DLG5: variants seen among roughly 807,000 people sequenced by gnomAD.
DLG5 encodes the protein disks large homolog 5.
In DLG5, 48 loss-of-function variants were observed where a neutral mutation model predicts 189.8. That is an observed-to-expected ratio of 0.25 (90% CI 0.20 to 0.32). The LOEUF (loss-of-function observed/expected upper bound fraction) is 0.32, where lower values mean the gene tolerates loss of function less well. Among genes scored for constraint, DLG5 ranks in the 10% least tolerant of loss-of-function variants. The probability of loss-of-function intolerance (pLI) is 1.00; values close to 1 mark genes in which losing one functional copy is unlikely to be tolerated. For synonymous variants in DLG5, 1,016 were observed against 1,054.1 expected (o/e 0.96, Z 0.70); for missense variants, 2,160 against 2,544.7 (o/e 0.85, Z 3.25).
At chr10:77,841,693 G>C (rs1843423635) in intron 7 of DLG5, among the ~76,000 whole-genome samples, 188 bp downstream of exon 7, 1 of 152,200 alleles carries the variant, frequency 6.6e-6, no homozygotes, top group African/African-American at 2.4e-5. Flanking sequence ...CTGTAATCCA[G>C]ACTAGAGCTG....
chr10:77,866,637 G>A (rs941151415), intron 2 of DLG5, among the ~76,000 whole-genome samples: 8 of 151,718 alleles, frequency 5.3e-5, no homozygotes, highest in African/African-American at 1.7e-4. Context: ...GTTTAGTGGC[G>A]CCCATACTGG....
chr10:77,861,564 G>A (rs537295506), intron 2 of DLG5, among the ~76,000 whole-genome samples: 4 of 151,968 alleles, frequency 2.6e-5, no homozygotes, highest in East Asian at 1.9e-4. Flanking sequence ...GGACCTGGGC[G>A]TGGCTGGCCA....
At chr10:77,936,515 C>T in the DLG5 span, among the ~76,000 whole-genome samples, 1 of 150,320 alleles carries the variant, frequency 6.7e-6, no homozygotes, top group Non-Finnish European at 1.5e-5. Context: ...GCCCAGATAC[C>T]AAGGACAAGG....
intron 27 of DLG5, among the ~76,000 whole-genome samples, chr10:77,797,709 G>A (rs1481951365): frequency 1.3e-5 from 2 of 152,194 alleles, no homozygotes; most frequent in Admixed American, 6.5e-5. Flanking sequence ...GGATCTGTAC[G>A]CATATGCAGA....
chr10:77,791,227 T>TCCTACCC lies in DLG5; in HGVS notation c.*1206_*1212dup, dbSNP rs1840629180. 1 of 152,276 alleles carries TCCTACCC rather than the reference T, an allele frequency of 6.6e-6. No homozygotes were observed. Among genetic ancestry groups the TCCTACCC allele is most frequent in the Non-Finnish European group, 1.5e-5 (1 of 67,996 alleles). The allele number at this position is 152,276 out of a possible 1,614,324, so 9.4% of individuals were successfully genotyped here. A position where few individuals can be genotyped will look rare whatever the true frequency, so the allele number is the denominator to read the frequency against. The stretch of plus-strand genomic sequence containing the variant: ...GTTAGGAACAGTATTAAAATATAGG[T>TCCTACCC]CCTACCCCAACGACACTTACACAGA... On this transcript the variant is annotated 3_prime_UTR_variant, in exon 32 of 32. Coordinates refer to ENST00000372391, the MANE Select transcript of DLG5 (RefSeq NM_004747.4).
intron 2 of DLG5, among the ~76,000 whole-genome samples, chr10:77,864,241 A>G (rs1056300600): frequency 6.6e-6 from 1 of 152,168 alleles, no homozygotes; most frequent in African/African-American, 2.4e-5. Context: ...TTGGTCTTAC[A>G]GCTGGGCAGG....
chr10:77,889,094 C>T (rs1345597300), intron 1 of DLG5, among the ~76,000 whole-genome samples: 2,476 of 137,230 alleles, frequency 0.018, 49 homozygotes, highest in African/African-American at 0.068. Context: ...AGGTAACCTC[C>T]CAGGCCTCAC....
chr10:77,827,158 C>T (rs546448598), intron 13 of DLG5, among the ~76,000 whole-genome samples: 3 of 152,240 alleles, frequency 2.0e-5, no homozygotes, highest in South Asian at 2.1e-4. Flanking sequence ...TTTGTTGTCA[C>T]GATTTGCCTT....
intron 16 of DLG5, 150 bp downstream of exon 16, chr10:77,819,745 T>A: frequency 7.5e-7 from 1 of 1,328,570 alleles, no homozygotes; most frequent in Admixed American, 2.4e-5. Context: ...AGACAAACCA[T>A]CCCAGACAGG....
chr10:77,826,088 A>T (rs1245978750), intron 13 of DLG5, among the ~76,000 whole-genome samples: 1 of 152,156 alleles, frequency 6.6e-6, no homozygotes, highest in Non-Finnish European at 1.5e-5. Context: ...TTTGGAGCAA[A>T]GGGGGAAGAT....
rs781491443 is a variant in DLG5, at chr10:77,809,684, A to C, written c.4510T>G (p.Phe1504Val). The change falls in exon 24 of 32, where the codon TTC becomes GTC. Residue 1504 changes from phenylalanine (F) to valine (V), a missense_variant. Physicochemically the swap from Phe to Val is conservative, Grantham distance 50. Transcript: ENST00000372391. ...NKKTLEPRVVFIKKSQLELGV... is the reference protein window; with the variant it reads ...NKKTLEPRVVVIKKSQLELGV... ...AGCTCCAGCTGGGACTTTTTGATGAAGACAACGCGTGGCTCCAGGGTCTTC... is the reference window on the plus strand; with the variant it reads ...AGCTCCAGCTGGGACTTTTTGATGACGACAACGCGTGGCTCCAGGGTCTTC... 1 of 1,614,026 alleles carries C rather than the reference A, an allele frequency of 6.2e-7. No individual in the cohort carries two copies. The highest frequency in any genetic ancestry group is 1.3e-5 in the African/African-American group (1 of 74,936).
intron 5 of DLG5, among the ~76,000 whole-genome samples, chr10:77,850,721 C>T (rs1843928236): frequency 6.6e-6 from 1 of 152,182 alleles, no homozygotes; most frequent in African/African-American, 2.4e-5. Flanking sequence ...AGAATAATAT[C>T]ATTAACGACC....
At chr10:77,872,395 C>T (rs1010564063) in intron 1 of DLG5, among the ~76,000 whole-genome samples, 5 of 152,326 alleles carry the variant, frequency 3.3e-5, no homozygotes, top group South Asian at 2.1e-4. Flanking sequence ...ACGTTCTGTT[C>T]CTCTTCCCTG....
Position 77,812,253 on chromosome 10 carries a change from G to A in DLG5, c.4150C>T (p.His1384Tyr), listed in dbSNP as rs1268403417. 1.2e-6 allele frequency: 2 copies of A among 1,614,114 alleles called. No homozygotes were observed. The highest frequency in any genetic ancestry group is 1.7e-6 in the Non-Finnish European group (2 of 1,179,976). ...TCCCCATACTCGAGGCCAGCCTGGTGAGCGATGCTCCCCACGGTCACCTTG... is the reference window on the plus strand; with the variant it reads ...TCCCCATACTCGAGGCCAGCCTGGTAAGCGATGCTCCCCACGGTCACCTTG... ...VSKVTVGSIA[H>Y]QAGLEYGDQL... Residue 1384 changes from histidine to tyrosine, a missense_variant, in exon 21 of 32, where the codon CAC becomes TAC. Physicochemically the swap from His to Tyr is moderately conservative, Grantham distance 83. Coordinates refer to ENST00000372391, the MANE Select transcript of DLG5 (RefSeq NM_004747.4).
At chr10:77,935,733 T>C in the DLG5 span, among the ~76,000 whole-genome samples, 1 of 152,182 alleles carries the variant, frequency 6.6e-6, no homozygotes, top group Non-Finnish European at 1.5e-5. Context: ...AGAGGAACCA[T>C]TTCCAGGTGC....
rs764856481 is a variant in DLG5 at position 77,853,381 on chromosome 10, G to A, written c.837C>T (p.Ile279=). 10 of 1,588,312 alleles carry A rather than the reference G, an allele frequency of 6.3e-6. No homozygotes were observed. The highest frequency in any genetic ancestry group is 3.5e-5 in the Admixed American group (2 of 57,542). The change falls in exon 5 of 32, where the codon ATC becomes ATT. Residue 279 remains isoleucine (I), a synonymous_variant. Transcript: ENST00000372391. Reference sequence around the variant, plus strand: ...GCTGCTGCTGGGCACGGAGGTCACCGATCTCCTTCTGGTCCTCCTCGTGGA... The same window carrying A: ...GCTGCTGCTGGGCACGGAGGTCACCAATCTCCTTCTGGTCCTCCTCGTGGA... ...KRLHEEDQKE[I]GDLRAQQQQV...
Position 77,830,264 on chromosome 10 carries a change from T to A in DLG5, c.1962A>T (p.Ile654=). The A allele has an allele frequency of 6.2e-7, 1 of 1,614,154 alleles. No homozygotes were observed. Among genetic ancestry groups the A allele is most frequent in the Non-Finnish European group, 8.5e-7 (1 of 1,180,036 alleles). Residue 654 remains isoleucine, a synonymous_variant, in exon 11 of 32, where the codon ATA becomes ATT. Coordinates refer to ENST00000372391, the MANE Select transcript of DLG5 (RefSeq NM_004747.4). ...NEPCFPGDCG[I]FVTKVDKGSI... ...TTCCTTTGTCCACTTTAGTGACAAA[T>A]ATGCCACAGTCCCCCGGGAAACAAG...
At chr10:77,925,385 C>T (rs936524840) in intron 1 of DLG5, among the ~76,000 whole-genome samples, 1 of 152,192 alleles carries the variant, frequency 6.6e-6, no homozygotes, top group Admixed American at 6.5e-5. Flanking sequence ...AAAAGGCTGG[C>T]TTCCACACTC....
chr10:77,825,120 C>T (rs188822432), intron 13 of DLG5, among the ~76,000 whole-genome samples: 3 of 152,286 alleles, frequency 2.0e-5, no homozygotes, highest in African/African-American at 7.2e-5. Context: ...GTGGATCTTG[C>T]AGGCATGGTG....
Sources: gnomAD v4.1 joint callset for allele counts (sites outside exome capture counted in the v4.1 genomes callset) on GRCh38, gnomAD v4.1.1 for gene constraint, MANE v1.5 for transcripts, NCBI Gene and HGNC (gene_info 2026-07-23, HGNC 2026-07-21) for gene names.